Variants in TAFA2 observed in about 807,000 individuals in gnomAD.
TAFA2 encodes chemokine-like protein TAFA-2.
A neutral mutation model predicts 18.8 loss-of-function variants in TAFA2; 7 were observed. The ratio of observed to expected loss-of-function variants is 0.37; its 90% CI spans 0.21 to 0.70. The LOEUF is 0.70. TAFA2 is among the 30% of genes least tolerant of loss of function. TAFA2 has a pLI of 0.53. For missense variants in TAFA2, 122 were observed against 158.1 expected, an observed-to-expected ratio of 0.77 and a Z score of 1.23; for synonymous variants, 60 against 54.2, an observed-to-expected ratio of 1.11 and a Z score of -0.47.
At chr12:61,980,319 G>C (rs1038550520) in intron 1 of TAFA2, among the ~76,000 whole-genome samples, 4 of 152,042 alleles carry the variant, frequency 2.6e-5, no homozygotes, top group Admixed American at 2.6e-4. Context: ...AAAATAATAA[G>C]AGCTATTTAT....
rs71083969 is a variant in TAFA2 at position 61,990,337 on chromosome 12, A to ATTTTTTTTT, written c.-1-122920_-1-122912dup. On this transcript the variant is annotated intron_variant, in intron 1 of 4. Coordinates refer to ENST00000416284, the MANE Select transcript of TAFA2 (RefSeq NM_178539.5). ...CTACTCTGAGCTAAACACTGTGCCAATTTTTTTTTTTTTTTTTTTTGAGGC... is the reference window on the plus strand; with the variant it reads ...CTACTCTGAGCTAAACACTGTGCCAATTTTTTTTTTTTTTTTTTTTTTTTTTTTTGAGGC... Among the ~76,000 whole-genome samples, 101 of 108,198 alleles carry ATTTTTTTTT rather than the reference A, an allele frequency of 9.3e-4. 5 individuals are homozygous for ATTTTTTTTT. The highest frequency in any genetic ancestry group is 5.6e-3 in the Middle Eastern group (1 of 178). 71.0% of individuals were successfully genotyped at this position (108,198 alleles called of 152,430 possible).
chr12:61,876,440 T>G (rs1874849132), intron 1 of TAFA2, among the ~76,000 whole-genome samples: 1 of 152,156 alleles, frequency 6.6e-6, no homozygotes. Flanking sequence ...ATTCTCCATT[T>G]TATGCATTTA....
chr12:62,242,052 G>A (rs2062865376), intron 1 of TAFA2, among the ~76,000 whole-genome samples: 1 of 152,104 alleles, frequency 6.6e-6, no homozygotes, highest in South Asian at 2.1e-4. Context: ...GGAAAATAAA[G>A]AGAATTCTAA....
chr12:62,188,136 C>A (rs2062598071), intron 1 of TAFA2, among the ~76,000 whole-genome samples: 1 of 152,060 alleles, frequency 6.6e-6, no homozygotes, highest in South Asian at 2.1e-4. Context: ...TTCGATGAAG[C>A]CCTACTAATA....
intron 2 of TAFA2, among the ~76,000 whole-genome samples, chr12:61,811,857 C>T (rs750132693): frequency 2.0e-5 from 3 of 151,366 alleles, no homozygotes; most frequent in Non-Finnish European, 4.4e-5. Flanking sequence ...GATTGTGGAT[C>T]TTGAATATCA....
At chr12:62,158,265 AAG>A (rs761195086) in intron 1 of TAFA2, among the ~76,000 whole-genome samples, 2 of 152,236 alleles carry the variant, frequency 1.3e-5, no homozygotes, top group African/African-American at 2.4e-5. Context: ...ACAAAGTAAA[AAG>A]AGAATATTTG....
chr12:61,733,824 C>T (rs1452789716), intron 4 of TAFA2, among the ~76,000 whole-genome samples: 7 of 151,884 alleles, frequency 4.6e-5, no homozygotes, highest in Non-Finnish European at 1.0e-4. Flanking sequence ...GCATTGGTAG[C>T]TTGATGGGGA....
intron 1 of TAFA2, among the ~76,000 whole-genome samples, chr12:62,185,630 T>A (rs888534211): frequency 1.3e-5 from 2 of 152,192 alleles, no homozygotes; most frequent in Non-Finnish European, 2.9e-5. Context: ...TTTCCTACTT[T>A]AAATAAAATA....
upstream of TAFA2, among the ~76,000 whole-genome samples, chr12:62,194,181 T>C (rs1159481469): frequency 6.6e-6 from 1 of 152,144 alleles, no homozygotes; most frequent in Non-Finnish European, 1.5e-5. Flanking sequence ...TCTTACAGTA[T>C]TTTTTTGTCT....
chr12:61,773,800 C>G (rs998540137), intron 2 of TAFA2, among the ~76,000 whole-genome samples: 1 of 151,694 alleles, frequency 6.6e-6, no homozygotes, highest in Admixed American at 6.6e-5. Flanking sequence ...TTAGGCAAAG[C>G]GTTCATGACC....
chr12:62,024,197 T>C (rs1469385525), intron 1 of TAFA2, among the ~76,000 whole-genome samples: 1 of 152,176 alleles, frequency 6.6e-6, no homozygotes, highest in Non-Finnish European at 1.5e-5. Context: ...TCAGCATTCA[T>C]TCTCTTTCAT....
chr12:61,893,006 T>G (rs549777826), intron 1 of TAFA2, among the ~76,000 whole-genome samples: 8 of 152,060 alleles, frequency 5.3e-5, no homozygotes, highest in Admixed American at 3.3e-4. Flanking sequence ...TAACTCTGAG[T>G]GAGATTATAA....
chr12:61,993,734 C>T (rs569988188), intron 1 of TAFA2, among the ~76,000 whole-genome samples: 97 of 152,270 alleles, frequency 6.4e-4, no homozygotes, highest in Non-Finnish European at 9.1e-4. Context: ...TCTTCACAAA[C>T]GGTCACTGTT....
At chr12:61,839,038 C>T (rs754601132) in intron 2 of TAFA2, among the ~76,000 whole-genome samples, 8 of 151,972 alleles carry the variant, frequency 5.3e-5, no homozygotes, top group Non-Finnish European at 8.8e-5. Flanking sequence ...ATAGAAAGTG[C>T]GCAAACGGTG....
chr12:61,977,468 C>T (rs1879478527), intron 1 of TAFA2, among the ~76,000 whole-genome samples: 2 of 152,018 alleles, frequency 1.3e-5, no homozygotes, highest in African/African-American at 4.8e-5. Context: ...ACCTTGTTTG[C>T]CAAGTGTGCA....
intron 1 of TAFA2, among the ~76,000 whole-genome samples, chr12:62,212,256 C>A (rs1193227388): frequency 6.6e-6 from 1 of 152,096 alleles, no homozygotes. Flanking sequence ...TTCAAAATAT[C>A]CCAGACCCAA....
chr12:61,817,861 T>C (rs1872149806), intron 2 of TAFA2, among the ~76,000 whole-genome samples: 1 of 152,184 alleles, frequency 6.6e-6, no homozygotes, highest in Non-Finnish European at 1.5e-5. Context: ...AGGCATTTTT[T>C]TTCCCCAAGT....
chr12:62,124,806 A>G (rs977692237), intron 1 of TAFA2, among the ~76,000 whole-genome samples: 1 of 152,182 alleles, frequency 6.6e-6, no homozygotes, highest in Non-Finnish European at 1.5e-5. Flanking sequence ...TAGAAATTCC[A>G]GTACAGATAT....
At chr12:62,216,138 A>C (rs963209179) in intron 1 of TAFA2, among the ~76,000 whole-genome samples, 4 of 152,230 alleles carry the variant, frequency 2.6e-5, no homozygotes, top group African/African-American at 9.6e-5. Flanking sequence ...TTAGAGAACC[A>C]GCATATGGGG....
Sources: gnomAD v4.1 joint callset for allele counts (sites outside exome capture counted in the v4.1 genomes callset) on GRCh38, gnomAD v4.1.1 for gene constraint, MANE v1.5 for transcripts, NCBI Gene and HGNC (gene_info 2026-07-23, HGNC 2026-07-21) for gene names.